Variants in CMKLR2 observed in about 807,000 individuals in gnomAD.
CMKLR2 encodes the protein chemerin chemokine-like receptor 2, also known as chemerin-like receptor 2.
Under a neutral mutation model 23.0 loss-of-function variants are expected in CMKLR2, and 18 were observed. That is an observed-to-expected ratio of 0.78 (90% CI 0.54 to 1.16). CMKLR2 has a LOEUF of 1.16. Among genes scored for constraint, CMKLR2 ranks in the 50% most tolerant of loss-of-function variants. The pLI is 0.00. For missense variants in CMKLR2, 401 were observed against 412.7 expected (o/e 0.97, Z 0.25); for synonymous variants, 158 against 158.9 (o/e 0.99, Z 0.05).
upstream of CMKLR2, chr2:206,213,591 G>C (rs1213773108): frequency 6.6e-6 from 1 of 152,186 alleles, no homozygotes; most frequent in African/African-American, 2.4e-5. Flanking sequence ...TGTGTAAGAA[G>C]TTTGTTTTTT....
At chr2:206,187,977 A>G (rs1688634678) in intron 1 of CMKLR2, among the ~76,000 whole-genome samples, 1 of 152,112 alleles carries the variant, frequency 6.6e-6, no homozygotes, top group African/African-American at 2.4e-5. Flanking sequence ...GGGTCACTGC[A>G]ACCTCCACCT....
At chr2:206,193,754 AT>A (rs1478280399) in intron 1 of CMKLR2, among the ~76,000 whole-genome samples, 2 of 152,218 alleles carry the variant, frequency 1.3e-5, no homozygotes, top group Non-Finnish European at 2.9e-5. Flanking sequence ...AAGGCTAAAA[AT>A]GACTATGTCT....
chr2:206,195,809 C>G (rs574734013), intron 1 of CMKLR2, among the ~76,000 whole-genome samples: 49 of 152,052 alleles, frequency 3.2e-4, no homozygotes, highest in African/African-American at 1.1e-3. Context: ...ACAAAATTAG[C>G]TGGGAGCAGT....
At chr2:206,217,481 C>A, upstream of CMKLR2, 1 of 152,150 alleles carries the variant, frequency 6.6e-6, no homozygotes, top group East Asian at 1.9e-4. Context: ...GAGGACGAAG[C>A]CTTGTCTAGA....
At chr2:206,197,159 C>T (rs906577103) in intron 1 of CMKLR2, among the ~76,000 whole-genome samples, 2 of 152,184 alleles carry the variant, frequency 1.3e-5, no homozygotes, top group Non-Finnish European at 2.9e-5. Context: ...CTGCCTGCGT[C>T]GGCCTCCCAA....
chr2:206,213,170 C>T (rs752373479), intron 1 of CMKLR2, 137 bp downstream of exon 1: 3 of 152,194 alleles, frequency 2.0e-5, no homozygotes, highest in Admixed American at 6.5e-5. Flanking sequence ...ATTTTGTAAA[C>T]GATCAGGAGT....
chr2:206,195,420 T>C (rs1688888686), intron 1 of CMKLR2, among the ~76,000 whole-genome samples: 1 of 152,176 alleles, frequency 6.6e-6, no homozygotes, highest in African/African-American at 2.4e-5. Context: ...GTTAAAAGTC[T>C]ACCAAGAAAG....
At chr2:206,185,867 C>A (rs1051737597) in intron 1 of CMKLR2, among the ~76,000 whole-genome samples, 8 of 152,110 alleles carry the variant, frequency 5.3e-5, no homozygotes, top group African/African-American at 1.9e-4. Flanking sequence ...GAGTCCAAGG[C>A]CTTATACATC....
chr2:206,194,235 G>A (rs573631127), intron 1 of CMKLR2, among the ~76,000 whole-genome samples: 1 of 152,222 alleles, frequency 6.6e-6, no homozygotes, highest in African/African-American at 2.4e-5. Flanking sequence ...AAAAGGAGGG[G>A]GAGGAGGACA....
At chr2:206,178,832 A>G (rs559454046) in intron 1 of CMKLR2, among the ~76,000 whole-genome samples, 3 of 152,086 alleles carry the variant, frequency 2.0e-5, no homozygotes, top group African/African-American at 7.2e-5. Context: ...TATTTTTAGT[A>G]GAGACAGGGT....
upstream of CMKLR2, among the ~76,000 whole-genome samples, chr2:206,215,401 A>C (rs1159942461): frequency 1.3e-5 from 2 of 152,236 alleles, no homozygotes; most frequent in Non-Finnish European, 2.9e-5. Context: ...TGGTTACTTT[A>C]CATGAGTTTA....
chr2:206,201,654 T>TA lies in CMKLR2; in HGVS notation c.-29+11652dup, dbSNP rs550268935. Among the ~76,000 whole-genome samples, 1,002 of 139,226 alleles carry TA rather than the reference T, an allele frequency of 7.2e-3. 5 individuals carry two copies. The highest frequency in any genetic ancestry group is 0.021 in the African/African-American group (786 of 37,972). The allele number at this position is 139,226 out of a possible 152,430, so 91.3% of individuals were successfully genotyped here. ...TGAGTCAACAACGGGATGAGACAGC[T>TA]AAAAAAAAAAAAAAGTAACTTTGCC... On this transcript the variant is annotated intron_variant, in intron 1 of 1. Coordinates refer to ENST00000621141, the MANE Select transcript of CMKLR2 (RefSeq NM_001389445.1).
rs1002954592 is a variant in CMKLR2 at position 206,178,686 on chromosome 2, G to A, written c.-28-1411C>T. ...GTTTGTTTTTTTGAGACAACCTCCC[G>A]TTACAGAGGCTGGAATGCATGGCAC... On this transcript the variant is annotated intron_variant, in intron 1 of 1. Transcript: ENST00000621141. Among the ~76,000 whole-genome samples the A allele has an allele frequency of 1.6e-4, 25 of 151,902 alleles. No homozygotes were observed. The South Asian group carries it at 2.3e-3, about 14-fold the overall frequency.
upstream of CMKLR2, chr2:206,217,477 G>A (rs911090183): frequency 2.6e-5 from 4 of 152,312 alleles, no homozygotes; most frequent in African/African-American, 9.6e-5. Flanking sequence ...AAATGAGGAC[G>A]AAGCCTTGTC....
chr2:206,214,165 A>ATTT (rs34307347), upstream of CMKLR2, among the ~76,000 whole-genome samples: 3 of 64,928 alleles, frequency 4.6e-5, no homozygotes, highest in African/African-American at 1.3e-4. Flanking sequence ...TAAAGACTTG[A>ATTT]TTTTTTTTTT....
intron 1 of CMKLR2, among the ~76,000 whole-genome samples, chr2:206,198,392 GT>G (rs1688985164): frequency 6.6e-6 from 1 of 152,130 alleles, no homozygotes; most frequent in South Asian, 2.1e-4. Flanking sequence ...GACCCCAGGT[GT>G]CTCATGTGGA....
chr2:206,187,373 C>A (rs1688614264), intron 1 of CMKLR2, among the ~76,000 whole-genome samples: 1 of 152,172 alleles, frequency 6.6e-6, no homozygotes. Context: ...TTGAGCGCAA[C>A]TTTGGGGCAG....
intron 1 of CMKLR2, among the ~76,000 whole-genome samples, chr2:206,206,174 T>C (rs566113345): frequency 6.6e-6 from 1 of 152,336 alleles, no homozygotes; most frequent in Admixed American, 6.5e-5. Context: ...AAAGAAACCA[T>C]TTCATTTTAC....
intron 1 of CMKLR2, among the ~76,000 whole-genome samples, chr2:206,178,767 G>A (rs556876565): frequency 6.5e-4 from 99 of 152,074 alleles, no homozygotes; most frequent in Admixed American, 1.2e-3. Flanking sequence ...TCCTGTTTGA[G>A]CCTCCTGAGT....
Sources: gnomAD v4.1 joint callset for allele counts (sites outside exome capture counted in the v4.1 genomes callset) on GRCh38, gnomAD v4.1.1 for gene constraint, MANE v1.5 for transcripts, NCBI Gene and HGNC (gene_info 2026-07-23, HGNC 2026-07-21) for gene names.